SDR16C5: variants seen among roughly 807,000 people sequenced by gnomAD.
SDR16C5 encodes the protein epidermal retinol dehydrogenase 2.
SDR16C5 carries 20 observed loss-of-function variants against 27.7 expected under a neutral mutation model. That is an observed-to-expected ratio of 0.72 (90% CI 0.51 to 1.05). The LOEUF is 1.05. Ranked by LOEUF, SDR16C5 falls within the 50% of genes least tolerant of loss-of-function variation. The probability of loss-of-function intolerance (pLI) is 0.00; values close to 1 mark genes in which losing one functional copy is unlikely to be tolerated. For missense variants in SDR16C5, 374 were observed against 366.3 expected (o/e 1.02, Z -0.17); for synonymous variants, 139 against 132.3 (o/e 1.05, Z -0.35).
At chr8:56,303,985 G>A (rs1244267167) in intron 6 of SDR16C5, 1 of 702,926 alleles carries the variant, frequency 1.4e-6, no homozygotes, top group Admixed American at 2.0e-5. Context: ...GTGAATAGTG[G>A]GATCGTAAGC....
At chr8:56,306,610 G>T in intron 5 of SDR16C5, 66 bp downstream of exon 5, 1 of 1,385,338 alleles carries the variant, frequency 7.2e-7, no homozygotes. Flanking sequence ...TTAAAAAAAA[G>T]AACAAAATAA....
chr8:56,307,240 T>C (rs1381416327), intron 4 of SDR16C5, among the ~76,000 whole-genome samples: 3 of 152,028 alleles, frequency 2.0e-5, no homozygotes, highest in Non-Finnish European at 4.4e-5. Context: ...GAGGCCAGCA[T>C]GGGTTGTGAT....
At position 56,306,811 on chromosome 8, in the gene SDR16C5, G is replaced by A. The variant is rs1416154277; in HGVS notation, c.575C>T (p.Ala192Val). 2 of 1,609,760 alleles carry A rather than the reference G, an allele frequency of 1.2e-6. No homozygotes were observed. The highest frequency in any genetic ancestry group is 2.7e-5 in the African/African-American group (2 of 74,680). The change falls in exon 5 of 7, where the codon GCA (alanine) becomes GTA (valine). Residue 192 changes from alanine (A) to valine (V), a missense_variant. By Grantham distance (64) the Ala-to-Val change is moderately conservative. Transcript: ENST00000303749. ...AAACCCAAAGGCTGCAAATTTACTT[G>A]CACAGTAATCTGAAAAAGACAAAGC... ...SGVNGLADYC[A>V]SKFAAFGFAE...
Position 56,313,116 on chromosome 8 carries a change from T to G in SDR16C5, c.334-828A>C, listed in dbSNP as rs148646692. Among the ~76,000 whole-genome samples, 753 of 152,320 alleles carry G rather than the reference T, an allele frequency of 4.9e-3. 9 individuals are homozygous for G. Among genetic ancestry groups the G allele is most frequent in the African/African-American group, 0.017 (721 of 41,584 alleles). The stretch of plus-strand genomic sequence containing the variant: ...TTGATGTGCTTTTCCCATTTTTCTC[T>G]TCTTAAAATGAGTCCATGTTCAAAA... On this transcript the variant is annotated intron_variant, in intron 2 of 6. Coordinates refer to ENST00000303749, the MANE Select transcript of SDR16C5 (RefSeq NM_138969.4).
Position 56,306,746 on chromosome 8 carries a change from T to C in SDR16C5, c.640A>G (p.Lys214Glu). ...VFVETFVQKQ[K>E]GIKTTIVCPF... ...CACACAATCGTGGTTTTGATCCCCTTTTGTTTTTGGACAAATGTTTCTACA... is the reference window on the plus strand; with the variant it reads ...CACACAATCGTGGTTTTGATCCCCTCTTGTTTTTGGACAAATGTTTCTACA... The change falls in exon 5 of 7, where the codon AAG becomes GAG. Residue 214 changes from lysine to glutamate, a missense_variant. Coordinates refer to ENST00000303749, the MANE Select transcript of SDR16C5 (RefSeq NM_138969.4). The C allele has an allele frequency of 6.2e-7, 1 of 1,613,952 alleles. No homozygotes were observed. The highest frequency in any genetic ancestry group is 1.3e-5 in the African/African-American group (1 of 75,040).
In SDR16C5 at chr8:56,309,107, TAA is replaced by T. The variant is rs772302703; in HGVS notation, c.466-82_466-81del. 2.8e-4 allele frequency: 313 copies of T among 1,126,548 alleles called. 2 individuals carry two copies. The highest frequency in any genetic ancestry group is 3.6e-5 in the Non-Finnish European group (30 of 829,078). The allele number at this position is 1,126,548 out of a possible 1,614,324, so 69.8% of individuals were successfully genotyped here. ...CAGATATTTATATACTCATTGTGAT[TAA>T]AAAATCTTTTTTTTTCAGCCTGTAA... On this transcript the variant is annotated intron_variant, in intron 3 of 6. Transcript: ENST00000303749.
chr8:56,301,496 T>C lies in SDR16C5; in HGVS notation c.914A>G (p.Gln305Arg), dbSNP rs749366222. The C allele has an allele frequency of 1.2e-6, 2 of 1,613,772 alleles. No individual in the cohort carries two copies. Among genetic ancestry groups the C allele is most frequent in the Admixed American group, 1.7e-5 (1 of 60,008 alleles). ...ILHAMDGFVD[Q>R]KKKL is the part of the protein sequence containing the mutation. ...AGTTGGTCTTTAGAGCTTCTTCTTT[T>C]GGTCAACAAAGCCATCCATTGCATG... The change falls in exon 7 of 7, where the codon CAA becomes CGA. Residue 305 changes from glutamine (Q) to arginine (R), a missense_variant. Coordinates refer to ENST00000303749, the MANE Select transcript of SDR16C5 (RefSeq NM_138969.4).
In SDR16C5 at chr8:56,308,637, T is replaced by C. The variant is rs551996588; in HGVS notation, c.565+291A>G. Reference sequence around the variant, plus strand: ...TGTCAGTGTGAACTTTGGTGGACAGTTGTTTTGTTGATCACTTGTGCAAAA... The same window carrying C: ...TGTCAGTGTGAACTTTGGTGGACAGCTGTTTTGTTGATCACTTGTGCAAAA... On this transcript the variant is annotated intron_variant, in intron 4 of 6. Coordinates refer to ENST00000303749, the MANE Select transcript of SDR16C5 (RefSeq NM_138969.4). 1.1e-4 allele frequency among the ~76,000 whole-genome samples: 17 copies of C among 152,338 alleles called. No homozygotes were observed. In the South Asian group the frequency reaches 1.7e-3, roughly 15 times the overall value.
At chr8:56,319,434 A>G (rs879422162) in intron 1 of SDR16C5, among the ~76,000 whole-genome samples, 1 of 152,256 alleles carries the variant, frequency 6.6e-6, no homozygotes, top group African/African-American at 2.4e-5. Flanking sequence ...TACAAACAAG[A>G]GTGAATGTAC....
chr8:56,306,797 C>A lies in SDR16C5; in HGVS notation c.589G>T (p.Ala197Ser). Residue 197 changes from alanine (A) to serine (S), a missense_variant, in exon 5 of 7, where the codon GCC becomes TCC. Coordinates refer to ENST00000303749, the MANE Select transcript of SDR16C5 (RefSeq NM_138969.4). ...LADYCASKFA[A>S]FGFAESVFVE... Reference sequence around the variant, plus strand: ...AATACAGATTCAGCAAACCCAAAGGCTGCAAATTTACTTGCACAGTAATCT... The same window carrying A: ...AATACAGATTCAGCAAACCCAAAGGATGCAAATTTACTTGCACAGTAATCT... 1 of 1,611,946 alleles carries A rather than the reference C, an allele frequency of 6.2e-7. No homozygotes were observed. The highest frequency in any genetic ancestry group is 8.5e-7 in the Non-Finnish European group (1 of 1,179,574).
intron 2 of SDR16C5, among the ~76,000 whole-genome samples, chr8:56,315,734 CTG>C (rs1452338068): frequency 6.6e-6 from 1 of 152,122 alleles, no homozygotes; most frequent in Non-Finnish European, 1.5e-5. Context: ...TGTTTACTAA[CTG>C]TGTTTCTTAG....
chr8:56,305,411 C>T (rs1344940158), intron 6 of SDR16C5, among the ~76,000 whole-genome samples, 186 bp downstream of exon 6: 1 of 152,130 alleles, frequency 6.6e-6, no homozygotes, highest in Non-Finnish European at 1.5e-5. Context: ...TCATGGCGGG[C>T]ACTGCAACTG....
At chr8:56,307,671 C>T (rs552071704) in intron 4 of SDR16C5, among the ~76,000 whole-genome samples, 3 of 152,234 alleles carry the variant, frequency 2.0e-5, no homozygotes, top group South Asian at 2.1e-4. Context: ...GGAAGGGGGA[C>T]GAGGAGTCCA....
At chr8:56,302,074 G>A (rs1159471832) in intron 6 of SDR16C5, among the ~76,000 whole-genome samples, 2 of 152,154 alleles carry the variant, frequency 1.3e-5, no homozygotes, top group African/African-American at 2.4e-5. Flanking sequence ...AACTAACACT[G>A]TCCATCTTCT....
At chr8:56,306,631 C>A (rs780160035) in intron 5 of SDR16C5, 45 bp downstream of exon 5, 14 of 1,484,236 alleles carry the variant, frequency 9.4e-6, no homozygotes, top group Admixed American at 2.3e-5. Flanking sequence ...AATAGCAAAA[C>A]ATTTTTAAGA....
At chr8:56,303,301 G>A (rs1814805881) in intron 6 of SDR16C5, among the ~76,000 whole-genome samples, 2 of 142,624 alleles carry the variant, frequency 1.4e-5, no homozygotes, top group Non-Finnish European at 1.5e-5. Context: ...GGTGATGAGC[G>A]AAACTCCATC....
chr8:56,317,975 T>A (rs918412301), intron 1 of SDR16C5, among the ~76,000 whole-genome samples: 2 of 152,204 alleles, frequency 1.3e-5, no homozygotes, highest in Non-Finnish European at 2.9e-5. Context: ...CAGATCGTTA[T>A]AAGCCATAGT....
At chr8:56,308,153 T>C (rs1814933769) in intron 4 of SDR16C5, among the ~76,000 whole-genome samples, 1 of 152,176 alleles carries the variant, frequency 6.6e-6, no homozygotes, top group African/African-American at 2.4e-5. Context: ...GTTTTGTGAA[T>C]CTTGAACTAC....
intron 6 of SDR16C5, among the ~76,000 whole-genome samples, chr8:56,303,393 C>T (rs1311944723): frequency 6.6e-6 from 1 of 151,418 alleles, no homozygotes; most frequent in Non-Finnish European, 1.5e-5. Flanking sequence ...TCCTTTTTTC[C>T]CTTTCCTGCT....
Sources: allele counts gnomAD v4.1 joint callset (sites outside exome capture counted in the v4.1 genomes callset), GRCh38; gene constraint gnomAD v4.1.1; transcripts MANE v1.5; gene names NCBI Gene and HGNC (gene_info 2026-07-23, HGNC 2026-07-21).